SPMIP2: variants seen among roughly 807,000 people sequenced by gnomAD.
SPMIP2 encodes sperm microtubule inner protein 2.
the SPMIP2 span, among the ~76,000 whole-genome samples, chr4:158,966,321 G>A: frequency 6.6e-6 from 1 of 152,144 alleles, no homozygotes; most frequent in Non-Finnish European, 1.5e-5. Flanking sequence ...ATGAATAATA[G>A]GGAAAAACTA....
chr4:159,066,827 A>G, the SPMIP2 span, among the ~76,000 whole-genome samples: 11 of 152,084 alleles, frequency 7.2e-5, no homozygotes, highest in African/African-American at 2.4e-4. Context: ...GAGAATAACT[A>G]TTATCAGCTT....
At chr4:158,967,087 C>G in the SPMIP2 span, among the ~76,000 whole-genome samples, 1 of 152,040 alleles carries the variant, frequency 6.6e-6, no homozygotes, top group Admixed American at 6.6e-5. Flanking sequence ...CTTGATGTTT[C>G]CATGGTCTGT....
At chr4:159,027,081 G>T in the SPMIP2 span, among the ~76,000 whole-genome samples, 1 of 151,690 alleles carries the variant, frequency 6.6e-6, no homozygotes, top group Non-Finnish European at 1.5e-5. Context: ...TGGAGTTGCT[G>T]TCACCTATAG....
the SPMIP2 span, among the ~76,000 whole-genome samples, chr4:158,898,714 T>A: frequency 6.4e-4 from 97 of 152,358 alleles, no homozygotes; most frequent in African/African-American, 2.2e-3. Flanking sequence ...AAGTTGCTTA[T>A]CAGCTTAAGG....
At chr4:158,941,418 T>A in the SPMIP2 span, among the ~76,000 whole-genome samples, 4 of 152,168 alleles carry the variant, frequency 2.6e-5, no homozygotes, top group Non-Finnish European at 5.9e-5. Context: ...ACTCACTGGG[T>A]GGTTGAGGTA....
chr4:159,007,881 G>A, the SPMIP2 span: 1 of 482,286 alleles, frequency 2.1e-6, no homozygotes, highest in Non-Finnish European at 4.0e-6. Flanking sequence ...TTGTGTGTGG[G>A]AAAAAAAAGA....
the SPMIP2 span, among the ~76,000 whole-genome samples, chr4:158,949,114 G>A: frequency 3.3e-5 from 5 of 151,918 alleles, no homozygotes; most frequent in Non-Finnish European, 4.4e-5. Flanking sequence ...ACAATTTCTA[G>A]ACCATACTGA....
At chr4:158,926,779 C>T in the SPMIP2 span, among the ~76,000 whole-genome samples, 1 of 152,088 alleles carries the variant, frequency 6.6e-6, no homozygotes, top group South Asian at 2.1e-4. Context: ...CACATATTCT[C>T]ACTTATAGGT....
the SPMIP2 span, among the ~76,000 whole-genome samples, chr4:158,980,406 C>G: frequency 6.6e-6 from 1 of 152,248 alleles, no homozygotes; most frequent in Non-Finnish European, 1.5e-5. Context: ...TGTCTCCTGA[C>G]TGGGAGATAC....
At chr4:158,940,749 T>C in the SPMIP2 span, among the ~76,000 whole-genome samples, 2 of 152,234 alleles carry the variant, frequency 1.3e-5, no homozygotes, top group Non-Finnish European at 2.9e-5. Context: ...AGTGACAGTA[T>C]GGACTTGTGA....
the SPMIP2 span, among the ~76,000 whole-genome samples, chr4:158,909,177 G>A: frequency 6.6e-6 from 1 of 151,998 alleles, no homozygotes; most frequent in Non-Finnish European, 1.5e-5. Context: ...CTCTGAAAAG[G>A]GATGATGTCC....
the SPMIP2 span, among the ~76,000 whole-genome samples, chr4:158,994,171 T>C: frequency 6.6e-6 from 1 of 152,252 alleles, no homozygotes; most frequent in Non-Finnish European, 1.5e-5. Flanking sequence ...AGTTGTATCT[T>C]ATTTATCTCT....
At chr4:158,998,369 C>A in the SPMIP2 span, among the ~76,000 whole-genome samples, 1 of 152,192 alleles carries the variant, frequency 6.6e-6, no homozygotes, top group African/African-American at 2.4e-5. Context: ...ATGAATGAAG[C>A]TTCTCTATTT....
chr4:158,899,871 T>C, the SPMIP2 span, among the ~76,000 whole-genome samples: 1 of 152,226 alleles, frequency 6.6e-6, no homozygotes, highest in African/African-American at 2.4e-5. Flanking sequence ...ATCTTAGTTA[T>C]TTCTTGTCTT....
At chr4:159,014,224 G>A in the SPMIP2 span, among the ~76,000 whole-genome samples, 2 of 152,202 alleles carry the variant, frequency 1.3e-5, no homozygotes, top group Non-Finnish European at 2.9e-5. Flanking sequence ...GGAGGCCGAA[G>A]TGGGCGGATC....
the SPMIP2 span, among the ~76,000 whole-genome samples, chr4:159,024,063 G>C: frequency 1.3e-5 from 2 of 152,138 alleles, no homozygotes; most frequent in Non-Finnish European, 2.9e-5. Context: ...CCTTACTACA[G>C]AGCAGGGGCA....
the SPMIP2 span, among the ~76,000 whole-genome samples, chr4:158,970,728 T>A: frequency 0.042 from 6,322 of 152,074 alleles, 411 homozygotes; most frequent in African/African-American, 0.14. Context: ...TTTTTTCCTA[T>A]TCTAAAGCTC....
the SPMIP2 span, among the ~76,000 whole-genome samples, chr4:158,997,660 G>C: frequency 3.3e-5 from 5 of 151,946 alleles, no homozygotes; most frequent in African/African-American, 4.8e-5. Flanking sequence ...AGTTGTTGTT[G>C]TTATTGTTTA....
chr4:159,037,827 C>CACACACATATAT, the SPMIP2 span, among the ~76,000 whole-genome samples: 3 of 126,024 alleles, frequency 2.4e-5, no homozygotes, highest in Admixed American at 1.7e-4. Flanking sequence ...CACACACACA[C>CACACACATATAT]ATATATATAT....
Sources: allele counts gnomAD v4.1 joint callset (sites outside exome capture counted in the v4.1 genomes callset), GRCh38; gene constraint gnomAD v4.1.1; transcripts MANE v1.5; gene names NCBI Gene and HGNC (gene_info 2026-07-23, HGNC 2026-07-21).